The following AFG3L2 variants were observed in gnomAD, a reference collection of about 807,000 sequenced individuals.
AFG3L2 encodes AFG3 like matrix AAA peptidase subunit 2.
In AFG3L2, 54 loss-of-function variants were observed where a neutral mutation model predicts 94.5. The observed-to-expected ratio is 0.57, with a 90% CI of 0.46 to 0.72. The LOEUF is 0.72. Among genes scored for constraint, AFG3L2 ranks in the 30% least tolerant of loss-of-function variants. The pLI is 0.00. For missense variants in AFG3L2, 754 were observed against 994.9 expected (o/e 0.76, Z 3.26); for synonymous variants, 377 against 365.5 (o/e 1.03, Z -0.36).
At chr18:12,333,740 T>C (rs915218168) in intron 16 of AFG3L2, among the ~76,000 whole-genome samples, 1 of 152,184 alleles carries the variant, frequency 6.6e-6, no homozygotes, top group African/African-American at 2.4e-5. Context: ...TGCTGAATCT[T>C]CAGTAACCAG....
At chr18:12,330,925 C>T (rs886623989) in intron 16 of AFG3L2, among the ~76,000 whole-genome samples, 8 of 152,152 alleles carry the variant, frequency 5.3e-5, no homozygotes, top group Non-Finnish European at 1.0e-4. Context: ...CATAAACAGC[C>T]AACCAGCCAA....
At chr18:12,332,735 C>T (rs1907575345) in intron 16 of AFG3L2, among the ~76,000 whole-genome samples, 1 of 148,616 alleles carries the variant, frequency 6.7e-6, no homozygotes, top group Non-Finnish European at 1.5e-5. Context: ...AACCAGAATA[C>T]TATAATGCTC....
chr18:12,346,097 C>T (rs553946155), intron 13 of AFG3L2, among the ~76,000 whole-genome samples: 56 of 152,320 alleles, frequency 3.7e-4, no homozygotes, highest in Non-Finnish European at 7.1e-4. Flanking sequence ...CTACTGCCAG[C>T]GCCTCATTTC....
intron 5 of AFG3L2, among the ~76,000 whole-genome samples, chr18:12,365,325 C>T (rs369167627): frequency 6.6e-5 from 10 of 152,286 alleles, no homozygotes; most frequent in East Asian, 1.9e-4. Flanking sequence ...ATCAGAAGGA[C>T]GGCTGCAGCC....
At chr18:12,337,219 AC>A (rs776630142) in intron 16 of AFG3L2, 121 bp downstream of exon 16, 1 of 873,844 alleles carries the variant, frequency 1.1e-6, no homozygotes, top group Admixed American at 1.8e-5. Context: ...GAACGAACGG[AC>A]CCATGGGTGA....
intron 4 of AFG3L2, 54 bp downstream of exon 4, chr18:12,367,222 C>T: frequency 6.2e-7 from 1 of 1,613,066 alleles, no homozygotes; most frequent in Non-Finnish European, 8.5e-7. Flanking sequence ...GCCTCCCAAC[C>T]TTCTCTGGGC....
intron 1 of AFG3L2, among the ~76,000 whole-genome samples, chr18:12,374,885 A>G (rs1909095340): frequency 6.6e-6 from 1 of 152,038 alleles, no homozygotes; most frequent in Non-Finnish European, 1.5e-5. Flanking sequence ...GTGAAACACC[A>G]TCTCTACTAA....
rs180693575 is a variant in AFG3L2 at position 12,333,552 on chromosome 18, A to C, written c.2176-3769T>G. The stretch of plus-strand genomic sequence containing the variant: ...CTAATTTTTTATATTTTTAGTACAA[A>C]CAGGGTTTCACCATGTTGCCCAGGC... On this transcript the variant is annotated intron_variant, in intron 16 of 16. Transcript: ENST00000269143. Among the ~76,000 whole-genome samples, 349 of 151,452 alleles carry C rather than the reference A, an allele frequency of 2.3e-3. 2 individuals carry two copies. The highest frequency in any genetic ancestry group is 8.2e-3 in the African/African-American group (337 of 41,254).
chr18:12,351,051 C>G, intron 12 of AFG3L2, 34 bp downstream of exon 12: 1 of 1,611,712 alleles, frequency 6.2e-7, no homozygotes, highest in Non-Finnish European at 8.5e-7. Context: ...TTTTAATATG[C>G]TTCTAAATAG....
chr18:12,361,346 C>A (rs1389417149), intron 6 of AFG3L2, among the ~76,000 whole-genome samples: 1 of 152,000 alleles, frequency 6.6e-6, no homozygotes, highest in Non-Finnish European at 1.5e-5. Context: ...GAGCGAGACT[C>A]CATTTCAAAA....
In AFG3L2 at chr18:12,353,124, G is replaced by C. The variant is rs1480133333; in HGVS notation, c.1199C>G (p.Ala400Gly). The change falls in exon 10 of 17, where the codon GCC (alanine) becomes GGC (glycine). Residue 400 changes from alanine to glycine, a missense_variant. Around this residue, in one of 4 missense-constraint regions of AFG3L2, gnomAD observed 109 missense variants for 227.1 expected, o/e 0.48. Transcript: ENST00000269143. ...TTCATCGATGAAGAGGATGCAAGGG[G>C]CATTCTTCCGAGCAAGGGCAAATAA... The part of the protein sequence containing the change: ...RDLFALARKN[A>G]PCILFIDEID... 4 of 1,613,994 alleles carry C rather than the reference G, an allele frequency of 2.5e-6. No homozygotes were observed. The highest frequency in any genetic ancestry group is 3.4e-6 in the Non-Finnish European group (4 of 1,180,006).
chr18:12,376,134 C>T (rs1909148332), intron 1 of AFG3L2, among the ~76,000 whole-genome samples: 1 of 152,216 alleles, frequency 6.6e-6, no homozygotes, highest in Non-Finnish European at 1.5e-5. Context: ...GCCTATCTCC[C>T]CTTACAGTGA....
In AFG3L2 at chr18:12,329,772, C is replaced by T. The variant is rs777988184; in HGVS notation, c.2187G>A (p.Leu729=). The T allele has an allele frequency of 4.3e-6, 7 of 1,613,380 alleles. No homozygotes were observed. In the South Asian group the frequency reaches 7.7e-5, roughly 18 times the overall value. Residue 729 remains leucine (L), a synonymous_variant, in exon 17 of 17, where the codon CTG becomes CTA. Transcript: ENST00000269143. ...KKADVEKVAL[L]LLEKEVLDKN... ...TATCTAATACTTCTTTTTCTAACAA[C>T]AGAAGAGCAACCTGAAATATGAACA...
At chr18:12,336,690 TTG>T (rs1907753102) in intron 16 of AFG3L2, among the ~76,000 whole-genome samples, 1 of 152,246 alleles carries the variant, frequency 6.6e-6, no homozygotes, top group African/African-American at 2.4e-5. Context: ...GCTTTTACAT[TTG>T]TGTTTTTCTC....
rs1555670075 is a variant in AFG3L2, at chr18:12,332,945, A to ACTATATAAT, written c.2176-3163_2176-3162insATTATATAG. On this transcript the variant is annotated intron_variant, in intron 16 of 16. Coordinates refer to ENST00000269143, the MANE Select transcript of AFG3L2 (RefSeq NM_006796.3). ...ATATAACATATACTATATAACATAT[A>ACTATATAAT]ATATATTATATACTATAATATATTA... 1.6e-3 allele frequency among the ~76,000 whole-genome samples: 176 copies of ACTATATAAT among 112,074 alleles called. 7 individuals carry two copies. In the East Asian group the frequency reaches 0.033, roughly 21 times the overall value. 73.5% of individuals were successfully genotyped at this position (112,074 alleles called of 152,430 possible).
Position 12,348,292 on chromosome 18 carries a change from T to C in AFG3L2, c.1644A>G (p.Ala548=). 2 of 1,614,054 alleles carry C rather than the reference T, an allele frequency of 1.2e-6. No homozygotes were observed. Among genetic ancestry groups the C allele is most frequent in the South Asian group, 1.1e-5 (1 of 91,068 alleles). ...CCTTACCACCAATCACTCGTTCAAT[T>C]GCCTGTTCAAAGTGTTTCTGATTTA... The part of the protein sequence containing the change: ...DSINQKHFEQ[A]IERVIGGLEK... The change falls in exon 13 of 17, where the codon GCA becomes GCG. Residue 548 remains alanine, a synonymous_variant. Coordinates refer to ENST00000269143, the MANE Select transcript of AFG3L2 (RefSeq NM_006796.3).
In AFG3L2 at chr18:12,371,025, C is replaced by T. The variant is rs1419021623; in HGVS notation, c.215-99G>A. The T allele has an allele frequency of 2.7e-5, 20 of 745,414 alleles. No individual in the cohort carries two copies. In the Admixed American group the frequency reaches 4.2e-4, roughly 16 times the overall value. 46.2% of individuals were successfully genotyped at this position (745,414 alleles called of 1,614,324 possible). ...GCAGCTGATGCATCACTGAAAAGCA[C>T]AAGCTGGCCAGGCGCAATGGCTCAT... On this transcript the variant is annotated intron_variant, in intron 2 of 16. Transcript: ENST00000269143.
intron 13 of AFG3L2, among the ~76,000 whole-genome samples, chr18:12,345,621 T>C (rs929104310): frequency 2.0e-5 from 3 of 152,168 alleles, no homozygotes; most frequent in Non-Finnish European, 2.9e-5. Flanking sequence ...TTAGGAGTCA[T>C]TCATTTTCTC....
At position 12,358,832 on chromosome 18, in the gene AFG3L2, G is replaced by T; in HGVS notation, c.864C>A (p.Leu288=). 6.2e-7 allele frequency: 1 copy of T among 1,614,236 alleles called. No individual in the cohort carries two copies. Among genetic ancestry groups the T allele is most frequent in the South Asian group, 1.1e-5 (1 of 91,090 alleles). The change falls in exon 8 of 17, where the codon CTC becomes CTA. Residue 288 remains leucine (L), a synonymous_variant. Transcript: ENST00000269143. ...TGGCAGTGGTTTCTCCGACACTGAAGAGTCCGCCCATCCCTCGGCCTGTCC... is the reference window on the plus strand; with the variant it reads ...TGGCAGTGGTTTCTCCGACACTGAATAGTCCGCCCATCCCTCGGCCTGTCC... The part of the protein sequence containing the change: ...IGRTGRGMGG[L]FSVGETTAKV...
Sources: gnomAD v4.1 joint callset for allele counts (sites outside exome capture counted in the v4.1 genomes callset) on GRCh38, gnomAD v4.1.1 for gene constraint, gnomAD v4.1.1 regional missense constraint, MANE v1.5 for transcripts, NCBI Gene and HGNC (gene_info 2026-07-23, HGNC 2026-07-21) for gene names.